Variants in ST6GALNAC3 observed in about 807,000 individuals in gnomAD.
ST6GALNAC3 encodes ST6 N-acetylgalactosaminide alpha-2,6-sialyltransferase 3, also known as alpha-N-acetylgalactosaminide alpha-2,6-sialyltransferase 3.
ST6GALNAC3 carries 25 observed loss-of-function variants against 32.7 expected under a neutral mutation model. That is an observed-to-expected ratio of 0.76 (90% CI 0.56 to 1.07). ST6GALNAC3 has a LOEUF of 1.07. Ranked by LOEUF, ST6GALNAC3 falls within the 50% of genes least tolerant of loss-of-function variation. The pLI is 0.00. For missense variants in ST6GALNAC3, 355 were observed against 382.4 expected, an observed-to-expected ratio of 0.93 and a Z score of 0.60; for synonymous variants, 129 against 133.1, an observed-to-expected ratio of 0.97 and a Z score of 0.21.
intron 2 of ST6GALNAC3, among the ~76,000 whole-genome samples, chr1:76,352,851 C>G (rs1649107033): frequency 6.6e-6 from 1 of 152,098 alleles, no homozygotes; most frequent in South Asian, 2.1e-4. Flanking sequence ...ACCTAAGATG[C>G]ATTCTAGACA....
intron 1 of ST6GALNAC3, among the ~76,000 whole-genome samples, chr1:76,163,675 T>C (rs1372674652): frequency 6.6e-6 from 1 of 152,080 alleles, no homozygotes; most frequent in Non-Finnish European, 1.5e-5. Context: ...TATAAAATAA[T>C]GGTGTGTCTT....
At chr1:76,248,474 A>G (rs1657434139) in intron 1 of ST6GALNAC3, among the ~76,000 whole-genome samples, 1 of 152,196 alleles carries the variant, frequency 6.6e-6, no homozygotes. Flanking sequence ...GTTCAAGTCT[A>G]GCAGTTCCTA....
chr1:76,387,801 G>A (rs1652213200), intron 2 of ST6GALNAC3, among the ~76,000 whole-genome samples: 1 of 152,142 alleles, frequency 6.6e-6, no homozygotes, highest in Non-Finnish European at 1.5e-5. Context: ...TTCTATTCTT[G>A]CCAGGTCATA....
At chr1:76,272,219 C>T (rs566611069) in intron 1 of ST6GALNAC3, among the ~76,000 whole-genome samples, 2 of 148,216 alleles carry the variant, frequency 1.3e-5, no homozygotes, top group South Asian at 2.1e-4. Context: ...CCAGCTACTT[C>T]GGAGGCTGAG....
chr1:76,481,920 T>G (rs1659748386), intron 3 of ST6GALNAC3, among the ~76,000 whole-genome samples: 1 of 152,164 alleles, frequency 6.6e-6, no homozygotes, highest in South Asian at 2.1e-4. Flanking sequence ...ACTAATCACT[T>G]GGCTATTTCC....
intron 1 of ST6GALNAC3, among the ~76,000 whole-genome samples, chr1:76,143,679 T>C (rs138180130): frequency 2.0e-5 from 3 of 152,324 alleles, no homozygotes; most frequent in Non-Finnish European, 2.9e-5. Context: ...ACGCCCATGC[T>C]GACATCAAAA....
At chr1:76,414,026 C>A (rs2101320480) in intron 3 of ST6GALNAC3, among the ~76,000 whole-genome samples, 2 of 152,078 alleles carry the variant, frequency 1.3e-5, no homozygotes, top group Middle Eastern at 6.8e-3. Flanking sequence ...GCTGTTGGTT[C>A]ATGTTTTTAT....
chr1:76,256,639 G>T (rs1485688470), intron 1 of ST6GALNAC3, among the ~76,000 whole-genome samples: 2 of 152,010 alleles, frequency 1.3e-5, no homozygotes, highest in African/African-American at 2.4e-5. Flanking sequence ...CCAGGGGGGT[G>T]GGGTGGGGTA....
chr1:76,254,234 G>A (rs999917873), intron 1 of ST6GALNAC3, among the ~76,000 whole-genome samples: 2 of 152,086 alleles, frequency 1.3e-5, no homozygotes, highest in African/African-American at 4.8e-5. Context: ...GATCCAAGTG[G>A]ATCAGGGAAG....
At chr1:76,086,017 C>A (rs1182869841) in intron 1 of ST6GALNAC3, among the ~76,000 whole-genome samples, 1 of 152,212 alleles carries the variant, frequency 6.6e-6, no homozygotes, top group Non-Finnish European at 1.5e-5. Flanking sequence ...TTTGCCTTTG[C>A]ACGAGCTAGG....
At chr1:76,199,193 G>A (rs768147648) in intron 1 of ST6GALNAC3, among the ~76,000 whole-genome samples, 1 of 152,160 alleles carries the variant, frequency 6.6e-6, no homozygotes, top group Non-Finnish European at 1.5e-5. Flanking sequence ...GTTATGACTG[G>A]TTATAAAAAT....
chr1:76,355,144 A>G (rs1281381466), intron 2 of ST6GALNAC3, among the ~76,000 whole-genome samples: 2 of 152,094 alleles, frequency 1.3e-5, no homozygotes, highest in African/African-American at 4.8e-5. Context: ...CTCACAATGG[A>G]TTAATTTTTT....
chr1:76,605,414 A>T (rs1330358486), intron 3 of ST6GALNAC3, among the ~76,000 whole-genome samples: 1 of 152,164 alleles, frequency 6.6e-6, no homozygotes, highest in Non-Finnish European at 1.5e-5. Context: ...ATAGAAAAAG[A>T]TGATTCTGCA....
intron 2 of ST6GALNAC3, among the ~76,000 whole-genome samples, chr1:76,387,081 C>T (rs1281114562): frequency 6.6e-6 from 1 of 152,118 alleles, no homozygotes; most frequent in Non-Finnish European, 1.5e-5. Context: ...TCAAAGTTCC[C>T]AAGATTGTTA....
intron 3 of ST6GALNAC3, among the ~76,000 whole-genome samples, chr1:76,555,988 T>A (rs900981827): frequency 1.3e-5 from 2 of 152,080 alleles, no homozygotes; most frequent in East Asian, 3.8e-4. Context: ...AGAACATTTT[T>A]ATCACTTCAA....
chr1:76,498,282 T>A (rs1660977632), intron 3 of ST6GALNAC3, among the ~76,000 whole-genome samples: 1 of 152,204 alleles, frequency 6.6e-6, no homozygotes, highest in African/African-American at 2.4e-5. Context: ...ATACAGCTGA[T>A]GCTCTATTTT....
At chr1:76,336,723 A>G (rs141680060) in intron 2 of ST6GALNAC3, among the ~76,000 whole-genome samples, 35 of 152,242 alleles carry the variant, frequency 2.3e-4, no homozygotes, top group African/African-American at 7.9e-4. Context: ...ACCTCTGTGG[A>G]CAGGAACTCC....
At chr1:76,143,423 G>GTGTC (rs1470821226) in intron 1 of ST6GALNAC3, among the ~76,000 whole-genome samples, 2 of 151,276 alleles carry the variant, frequency 1.3e-5, no homozygotes, top group African/African-American at 4.9e-5. Flanking sequence ...GTGTGTGTGT[G>GTGTC]TCCGTCTGTG....
chr1:76,140,772 T>G (rs1002376579), intron 1 of ST6GALNAC3, among the ~76,000 whole-genome samples: 2 of 149,968 alleles, frequency 1.3e-5, no homozygotes, highest in African/African-American at 4.9e-5. Context: ...TGTACCACCA[T>G]GCCCAGCTAA....
Sources: gnomAD v4.1 joint callset for allele counts (sites outside exome capture counted in the v4.1 genomes callset) on GRCh38, gnomAD v4.1.1 for gene constraint, MANE v1.5 for transcripts, NCBI Gene and HGNC (gene_info 2026-07-23, HGNC 2026-07-21) for gene names.